Variants in RANBP17 observed in about 807,000 individuals in gnomAD.
The protein encoded by RANBP17 is RAN binding protein 17, also known as ran-binding protein 17.
RANBP17 carries 158 observed loss-of-function variants against 141.2 expected under a neutral mutation model. The ratio of observed to expected loss-of-function variants is 1.12; its 90% CI spans 0.98 to 1.28. RANBP17 has a LOEUF of 1.28. Ranked by LOEUF, RANBP17 falls within the 50% of genes most tolerant of loss-of-function variation. The probability of loss-of-function intolerance (pLI) is 0.00; values close to 1 mark genes in which losing one functional copy is unlikely to be tolerated. For synonymous variants in RANBP17, 430 were observed against 450.0 expected, an observed-to-expected ratio of 0.96 and a Z score of 0.56; for missense variants, 1,438 against 1,290.7, an observed-to-expected ratio of 1.11 and a Z score of -1.75.
At chr5:171,125,287 A>T (rs1178120404) in intron 14 of RANBP17, among the ~76,000 whole-genome samples, 1 of 118,036 alleles carries the variant, frequency 8.5e-6, no homozygotes, top group Non-Finnish European at 1.8e-5. Flanking sequence ...ACAGAGTGAG[A>T]CTATGTATCA....
At chr5:171,154,842 A>G (rs1463620679) in intron 14 of RANBP17, among the ~76,000 whole-genome samples, 1 of 151,920 alleles carries the variant, frequency 6.6e-6, no homozygotes, top group Non-Finnish European at 1.5e-5. Flanking sequence ...TGGGAGGCCG[A>G]GGCACGTGGA....
chr5:171,082,436 A>G (rs1218715810), intron 14 of RANBP17, among the ~76,000 whole-genome samples: 1 of 152,176 alleles, frequency 6.6e-6, no homozygotes, highest in Admixed American at 6.6e-5. Flanking sequence ...ACTTGTGATG[A>G]GAGGATGATC....
intron 14 of RANBP17, among the ~76,000 whole-genome samples, chr5:171,165,321 A>T (rs1759615954): frequency 6.6e-6 from 1 of 152,052 alleles, no homozygotes; most frequent in African/African-American, 2.4e-5. Flanking sequence ...AGCTGGGATT[A>T]CAGGTACACG....
chr5:171,080,062 C>A (rs149881633), intron 14 of RANBP17, among the ~76,000 whole-genome samples: 2 of 152,004 alleles, frequency 1.3e-5, no homozygotes, highest in Non-Finnish European at 2.9e-5. Flanking sequence ...CCCTTCGGAT[C>A]CACTCATGCC....
intron 14 of RANBP17, among the ~76,000 whole-genome samples, chr5:171,012,863 G>C (rs1227477259): frequency 6.6e-6 from 1 of 152,062 alleles, no homozygotes; most frequent in African/African-American, 2.4e-5. Flanking sequence ...TTGCAGATAC[G>C]ATCAAATCAC....
chr5:170,897,985 A>T (rs1281266637), intron 5 of RANBP17, among the ~76,000 whole-genome samples: 1 of 152,208 alleles, frequency 6.6e-6, no homozygotes, highest in East Asian at 1.9e-4. Flanking sequence ...GAATTGCCAC[A>T]CTGTCTTCCG....
intron 14 of RANBP17, among the ~76,000 whole-genome samples, chr5:171,147,501 C>A (rs1293453409): frequency 1.3e-5 from 2 of 150,748 alleles, no homozygotes; most frequent in African/African-American, 2.4e-5. Flanking sequence ...CTGCAACCTC[C>A]ACCTCCCAGG....
rs1340850892 is a variant in RANBP17 at position 171,115,523 on chromosome 5, T to G, written c.1711-54607T>G. On this transcript the variant is annotated intron_variant, in intron 14 of 27. Coordinates refer to ENST00000523189, the MANE Select transcript of RANBP17 (RefSeq NM_022897.5). ...AAATTTCCCAGAAAGTTGTGAAACA[T>G]GTAGGTATAGATTTTAAATAACTAG... Among the ~76,000 whole-genome samples, 3 of 152,200 alleles carry G rather than the reference T, an allele frequency of 2.0e-5. No homozygotes were observed. In the East Asian group the frequency reaches 5.8e-4, roughly 29 times the overall value.
At chr5:171,045,456 G>C (rs1782520713) in intron 14 of RANBP17, among the ~76,000 whole-genome samples, 1 of 152,072 alleles carries the variant, frequency 6.6e-6, no homozygotes, top group Non-Finnish European at 1.5e-5. Context: ...CCTATCTAGA[G>C]AGTGAAAAAC....
At chr5:171,009,281 G>A (rs1779866351) in intron 14 of RANBP17, among the ~76,000 whole-genome samples, 1 of 152,138 alleles carries the variant, frequency 6.6e-6, no homozygotes, top group South Asian at 2.1e-4. Context: ...ACTGTTTGAG[G>A]GTTAGAGATA....
chr5:171,298,068 G>A (rs1018876219), intron 27 of RANBP17, among the ~76,000 whole-genome samples: 9 of 151,942 alleles, frequency 5.9e-5, no homozygotes, highest in Non-Finnish European at 1.2e-4. Flanking sequence ...ATGTTGGCCA[G>A]GCTGGTGTCA....
At chr5:171,270,646 G>C (rs894892832) in intron 25 of RANBP17, among the ~76,000 whole-genome samples, 1 of 151,952 alleles carries the variant, frequency 6.6e-6, no homozygotes, top group Non-Finnish European at 1.5e-5. Flanking sequence ...CATTCATTTC[G>C]TTATATCACA....
chr5:171,084,026 A>G (rs2127713881), intron 14 of RANBP17, among the ~76,000 whole-genome samples: 1 of 149,686 alleles, frequency 6.7e-6, no homozygotes, highest in South Asian at 2.1e-4. Flanking sequence ...TTAGTTACAT[A>G]TGTATACATG....
At chr5:171,121,686 G>A (rs764649102) in intron 14 of RANBP17, among the ~76,000 whole-genome samples, 3 of 152,164 alleles carry the variant, frequency 2.0e-5, no homozygotes, top group Non-Finnish European at 4.4e-5. Context: ...TTCCTACTGC[G>A]CAGGACCAGA....
At position 170,928,477 on chromosome 5, in the gene RANBP17, A is replaced by G. The variant is rs554248427; in HGVS notation, c.1468+3927A>G. 2.6e-5 allele frequency among the ~76,000 whole-genome samples: 4 copies of G among 152,170 alleles called. No individual in the cohort carries two copies. In the East Asian group the frequency reaches 7.7e-4, roughly 29 times the overall value. On this transcript the variant is annotated intron_variant, in intron 12 of 27. Transcript: ENST00000523189. Reference sequence around the variant, plus strand: ...TTTAATAGTTTCAGCTATTATATTGAGGCCTGTGATCCATTTGGTGTTCAT... The same window carrying G: ...TTTAATAGTTTCAGCTATTATATTGGGGCCTGTGATCCATTTGGTGTTCAT...
chr5:171,213,379 C>G (rs1405196009), intron 20 of RANBP17, among the ~76,000 whole-genome samples: 1 of 151,946 alleles, frequency 6.6e-6, no homozygotes, highest in African/African-American at 2.4e-5. Flanking sequence ...ATTCTAAGAA[C>G]AAAGTAATAT....
chr5:171,067,255 A>G (rs922522066), intron 14 of RANBP17, among the ~76,000 whole-genome samples: 6 of 152,158 alleles, frequency 3.9e-5, no homozygotes, highest in African/African-American at 1.4e-4. Flanking sequence ...GATTACTTGA[A>G]TAGCATACAT....
At chr5:171,101,990 G>A (rs916053127) in intron 14 of RANBP17, among the ~76,000 whole-genome samples, 1 of 152,100 alleles carries the variant, frequency 6.6e-6, no homozygotes, top group African/African-American at 2.4e-5. Context: ...TCCCTTTGTG[G>A]GTAACCCAAC....
At position 170,897,113 on chromosome 5, in the gene RANBP17, A is replaced by G. The variant is rs538951074; in HGVS notation, c.489+998A>G. 148 of 839,920 alleles carry G rather than the reference A, an allele frequency of 1.8e-4. 1 individual carries two copies. In the South Asian group the frequency reaches 1.9e-3, roughly 11 times the overall value. 52.0% of individuals were successfully genotyped at this position (839,920 alleles called of 1,614,324 possible). ...GATTGACATGGTAGAAGGGATAGTGAATGAAATTCTGCAGGGACCACTGAG... is the reference window on the plus strand; with the variant it reads ...GATTGACATGGTAGAAGGGATAGTGGATGAAATTCTGCAGGGACCACTGAG... On this transcript the variant is annotated intron_variant, in intron 5 of 27. Coordinates refer to ENST00000523189, the MANE Select transcript of RANBP17 (RefSeq NM_022897.5).
Sources: gnomAD v4.1 joint callset for allele counts (sites outside exome capture counted in the v4.1 genomes callset) on GRCh38, gnomAD v4.1.1 for gene constraint, MANE v1.5 for transcripts, NCBI Gene and HGNC (gene_info 2026-07-23, HGNC 2026-07-21) for gene names.